Variants in SFMBT2 observed in about 807,000 individuals in gnomAD.
SFMBT2 encodes the protein scm-like with four MBT domains protein 2.
A neutral mutation model predicts 110.1 loss-of-function variants in SFMBT2; 38 were observed. The observed-to-expected ratio is 0.35, with a 90% CI of 0.27 to 0.45. SFMBT2 has a LOEUF of 0.45. Among genes scored for constraint, SFMBT2 ranks in the 20% least tolerant of loss-of-function variants. The pLI is 1.00. For missense variants in SFMBT2, 1,011 were observed against 1,094.9 expected (o/e 0.92, Z 1.08); for synonymous variants, 425 against 425.4 (o/e 1.00, Z 0.01).
chr10:7,164,406 A>G (rs1837638570), intron 20 of SFMBT2: 1 of 984,404 alleles, frequency 1.0e-6, no homozygotes. Context: ...AAAAACAACA[A>G]TACAAATACA....
At chr10:7,326,878 G>C (rs1843400704) in intron 4 of SFMBT2, among the ~76,000 whole-genome samples, 1 of 152,150 alleles carries the variant, frequency 6.6e-6, no homozygotes, top group Non-Finnish European at 1.5e-5. Flanking sequence ...AACCGAACTA[G>C]ATTCCCTTTT....
chr10:7,284,935 A>G (rs1348972839), intron 5 of SFMBT2: 5 of 152,230 alleles, frequency 3.3e-5, no homozygotes, highest in Non-Finnish European at 2.9e-5. Context: ...TTGTTAATGA[A>G]CAATTAAAAT....
chr10:7,229,726 T>TGTA (rs1840058354), intron 9 of SFMBT2, among the ~76,000 whole-genome samples: 1 of 126,444 alleles, frequency 7.9e-6, no homozygotes, highest in Non-Finnish European at 1.8e-5. Flanking sequence ...TTGTTGTTGT[T>TGTA]GTTTTTTTTT....
Position 7,247,511 on chromosome 10 carries a change from A to G in SFMBT2, c.972+1037T>C, listed in dbSNP as rs1240764403. ...CATTTAGAAAGCATTTCATTTTTAT[A>G]ACCAATTTCCATATTCTGTAATACA... On this transcript the variant is annotated intron_variant, in intron 8 of 20. Coordinates refer to ENST00000397167, the MANE Select transcript of SFMBT2 (RefSeq NM_001387889.1). 2.0e-5 allele frequency among the ~76,000 whole-genome samples: 3 copies of G among 152,220 alleles called. No homozygotes were observed. The East Asian group carries it at 5.8e-4, about 29-fold the overall frequency.
intron 4 of SFMBT2, among the ~76,000 whole-genome samples, chr10:7,332,582 C>T (rs910467857): frequency 3.9e-5 from 6 of 152,144 alleles, no homozygotes; most frequent in Non-Finnish European, 8.8e-5. Context: ...CCTCCCCGAC[C>T]CAGCTTATAA....
At position 7,227,877 on chromosome 10, in the gene SFMBT2, G is replaced by C; in HGVS notation, c.1181C>G (p.Ala394Gly). ...TACATTTCGGAAGCAGAAGGGAGGG[G>C]CTTCCTGCGCCCCATGCTGCTTGTG... Reference protein sequence around the residue: ...DYHKQHGAQEAPPFCFRNTSF... With the variant: ...DYHKQHGAQEGPPFCFRNTSF... Residue 394 changes from alanine to glycine, a missense_variant, in exon 10 of 21, where the codon GCC (alanine) becomes GGC (glycine). Physicochemically the swap from Ala to Gly is moderately conservative, Grantham distance 60. Transcript: ENST00000397167. 6.2e-7 allele frequency: 1 copy of C among 1,609,230 alleles called. No individual in the cohort carries two copies. Among genetic ancestry groups the C allele is most frequent in the South Asian group, 1.1e-5 (1 of 89,738 alleles).
At chr10:7,315,116 A>AAGAAAGAAAG (rs1278252303) in intron 4 of SFMBT2, among the ~76,000 whole-genome samples, 37 of 105,274 alleles carry the variant, frequency 3.5e-4, no homozygotes, top group Non-Finnish European at 4.8e-4. Context: ...AAGAAAAAGC[A>AAGAAAGAAAG]AGCAAGCAAG....
intron 14 of SFMBT2, among the ~76,000 whole-genome samples, chr10:7,199,710 G>A (rs973259780): frequency 6.6e-6 from 1 of 152,186 alleles, no homozygotes; most frequent in African/African-American, 2.4e-5. Context: ...CAAAATTTTA[G>A]TTAAAGCTAC....
intron 4 of SFMBT2, among the ~76,000 whole-genome samples, chr10:7,326,191 T>G (rs2131947146): frequency 6.6e-6 from 1 of 152,382 alleles, no homozygotes; most frequent in African/African-American, 2.4e-5. Flanking sequence ...GCTGTATTCT[T>G]GAAAAATTCA....
Position 7,206,015 on chromosome 10 carries a change from C to T in SFMBT2, c.1331-87G>A. 6 of 1,540,384 alleles carry T rather than the reference C, an allele frequency of 3.9e-6. No homozygotes were observed. In the East Asian group the frequency reaches 1.2e-4, roughly 30 times the overall value. On this transcript the variant is annotated intron_variant, in intron 11 of 20. Coordinates refer to ENST00000397167, the MANE Select transcript of SFMBT2 (RefSeq NM_001387889.1). ...GACAACAATAATAGAGCATCCCTAACATGGGGAAAAACATTCCTTTATACA... is the reference window on the plus strand; with the variant it reads ...GACAACAATAATAGAGCATCCCTAATATGGGGAAAAACATTCCTTTATACA...
At chr10:7,280,796 A>G (rs976641181) in intron 6 of SFMBT2, among the ~76,000 whole-genome samples, 3 of 152,208 alleles carry the variant, frequency 2.0e-5, no homozygotes, top group African/African-American at 4.8e-5. Flanking sequence ...GCAAAAAGAG[A>G]AAGGCTCAAT....
rs953729821 is a variant in SFMBT2 at position 7,408,494 on chromosome 10, C to A, written c.-52+2367G>T. On this transcript the variant is annotated intron_variant, in intron 1 of 20. Coordinates refer to ENST00000397167, the MANE Select transcript of SFMBT2 (RefSeq NM_001387889.1). The surrounding 1 kb of genome is among the most constrained non-coding windows in gnomAD (Gnocchi z 5.7). ...TCTTTGTAACCCTATCATTTAAAAA[C>A]GCTTCCAGGCACCTGGCCGCTGCCA... Among the ~76,000 whole-genome samples, 1 of 152,240 alleles carries A rather than the reference C, an allele frequency of 6.6e-6. No individual in the cohort carries two copies. Among genetic ancestry groups the A allele is most frequent in the African/African-American group, 2.4e-5 (1 of 41,470 alleles).
intron 4 of SFMBT2, among the ~76,000 whole-genome samples, chr10:7,315,496 C>T (rs1469089309): frequency 6.6e-6 from 1 of 152,188 alleles, no homozygotes; most frequent in Non-Finnish European, 1.5e-5. Flanking sequence ...AGAACTATTC[C>T]ACCAGTTCCA....
In SFMBT2 at chr10:7,367,554, G is replaced by A; in HGVS notation, c.436+95C>T. 2 of 1,517,132 alleles carry A rather than the reference G, an allele frequency of 1.3e-6. No homozygotes were observed. 94.0% of individuals were successfully genotyped at this position (1,517,132 alleles called of 1,614,324 possible). A position where few individuals can be genotyped will look rare whatever the true frequency, so the allele number is the denominator to read the frequency against. On this transcript the variant is annotated intron_variant, in intron 4 of 20. Coordinates refer to ENST00000397167, the MANE Select transcript of SFMBT2 (RefSeq NM_001387889.1). This position sits in a 1 kb window ranked among gnomAD's most constrained non-coding sequence, Gnocchi z 6.2. ...GAGACCTTTGCACTAAGACCATTAG[G>A]GATTCTACGCAAGGTTCTCTCTGCT...
At chr10:7,169,443 G>C (rs1345386881) in intron 20 of SFMBT2, among the ~76,000 whole-genome samples, 1 of 152,148 alleles carries the variant, frequency 6.6e-6, no homozygotes, top group Non-Finnish European at 1.5e-5. Context: ...GCATGAACTT[G>C]GGAGAAAAGC....
chr10:7,402,413 A>T (rs1055986124), intron 1 of SFMBT2, among the ~76,000 whole-genome samples: 1 of 152,188 alleles, frequency 6.6e-6, no homozygotes, highest in Non-Finnish European at 1.5e-5. Context: ...TGAAGATGAA[A>T]GGGATTAGCC....
At chr10:7,221,882 C>A (rs1390374168) in intron 10 of SFMBT2, among the ~76,000 whole-genome samples, 2 of 152,156 alleles carry the variant, frequency 1.3e-5, no homozygotes, top group African/African-American at 4.8e-5. Context: ...ACAGAACCAT[C>A]CCTTCACCCC....
chr10:7,407,268 A>C (rs1282058419), intron 1 of SFMBT2, among the ~76,000 whole-genome samples: 1 of 141,000 alleles, frequency 7.1e-6, no homozygotes, highest in Non-Finnish European at 1.5e-5. Flanking sequence ...CCTCCCCAGG[A>C]AACGAGGCCA....
intron 4 of SFMBT2, among the ~76,000 whole-genome samples, chr10:7,304,478 G>A (rs1202094514): frequency 6.6e-6 from 1 of 152,152 alleles, no homozygotes; most frequent in Non-Finnish European, 1.5e-5. Flanking sequence ...CACGTACTAA[G>A]GGGCTTGGTT....
Sources: allele counts gnomAD v4.1 joint callset (sites outside exome capture counted in the v4.1 genomes callset), GRCh38; gene constraint gnomAD v4.1.1; non-coding constraint Gnocchi (gnomAD v3.1); transcripts MANE v1.5; gene names NCBI Gene and HGNC (gene_info 2026-07-23, HGNC 2026-07-21).